Variants in STAB1 observed in about 807,000 individuals in gnomAD.
The protein encoded by STAB1 is stabilin-1.
A neutral mutation model predicts 332.4 loss-of-function variants in STAB1; 250 were observed. The observed-to-expected ratio is 0.75, with a 90% confidence interval of 0.68 to 0.84. STAB1 has a LOEUF of 0.84. STAB1 is among the 40% of genes least tolerant of loss of function. The pLI, the probability that STAB1 is intolerant of heterozygous loss-of-function variation, is 0.00. For synonymous variants in STAB1, 1,475 were observed against 1,390.4 expected (o/e 1.06, Z -1.35); for missense variants, 3,249 against 3,489.7 (o/e 0.93, Z 1.74).
At chr3:52,501,984 T>C in intron 3 of STAB1, 22 bp from the exon 4 acceptor site, 1 of 1,611,098 alleles carries the variant, frequency 6.2e-7, no homozygotes, top group Non-Finnish European at 8.5e-7. Context: ...GGCACAGAGC[T>C]GAGTACTGTG....
chr3:52,504,861 C>T lies in STAB1; in HGVS notation c.1362C>T (p.Thr454=). The part of the protein sequence containing the change: ...WTLAGQEITV[T]FNQFTKYSYK... ...TGGCCGGGCAGGAGATCACCGTCAC[C>T]TTTAACCAATTCACGGTGAGGGAGG... The change falls in exon 12 of 69, where the codon ACC becomes ACT. Residue 454 remains threonine, a synonymous_variant. Coordinates refer to ENST00000321725, the MANE Select transcript of STAB1 (RefSeq NM_015136.3). The T allele has an allele frequency of 6.2e-7, 1 of 1,613,722 alleles. No homozygotes were observed. The highest frequency in any genetic ancestry group is 8.5e-7 in the Non-Finnish European group (1 of 1,180,034).
chr3:52,520,761 A>G, intron 54 of STAB1, 43 bp from the exon 55 acceptor site: 1 of 1,612,662 alleles, frequency 6.2e-7, no homozygotes, highest in Non-Finnish European at 8.5e-7. Flanking sequence ...AAGGACCACC[A>G]AACTCAGAAC....
At chr3:52,515,712 G>A (rs763006792) in intron 37 of STAB1, among the ~76,000 whole-genome samples, 5 of 152,168 alleles carry the variant, frequency 3.3e-5, no homozygotes, top group Non-Finnish European at 7.4e-5. Flanking sequence ...CCCAGGGAGA[G>A]GGAGTGGAGA....
intron 37 of STAB1, 149 bp from the exon 38 acceptor site, chr3:52,515,892 GTC>G: frequency 1.1e-6 from 1 of 905,130 alleles, no homozygotes; most frequent in Non-Finnish European, 1.6e-6. Context: ...GTATCTCTGT[GTC>G]TCTTTCAGCT....
At position 52,517,038 on chromosome 3, in the gene STAB1, C is replaced by T. The variant is rs369881549; in HGVS notation, c.4418C>T (p.Thr1473Ile). The T allele has an allele frequency of 6.2e-6, 10 of 1,606,226 alleles. No homozygotes were observed. Among genetic ancestry groups the T allele is most frequent in the Non-Finnish European group, 8.5e-6 (10 of 1,176,632 alleles). ...HGGCSPHANCTKVAPGQRTCT... is the reference protein window; with the variant it reads ...HGGCSPHANCIKVAPGQRTCT... The stretch of plus-strand genomic sequence containing the variant: ...GGCTGCTCCCCTCATGCCAACTGTA[C>T]CAAGGTGGCACCTGGGCAGCGGACA... Residue 1473 changes from threonine to isoleucine, a missense_variant, in exon 42 of 69, where the codon ACC (threonine) becomes ATC (isoleucine). Transcript: ENST00000321725.
In STAB1 at chr3:52,516,606, G is replaced by C. The variant is rs1249088845; in HGVS notation, c.4286+19G>C. Reference sequence around the variant, plus strand: ...ATGCCAAGTGAGTGGGCCCAGCCTGGGGCGGGTGGGTGAGTGGCGGGGAGC... The same window carrying C: ...ATGCCAAGTGAGTGGGCCCAGCCTGCGGCGGGTGGGTGAGTGGCGGGGAGC... On this transcript the variant is annotated intron_variant, in intron 40 of 68. Coordinates refer to ENST00000321725, the MANE Select transcript of STAB1 (RefSeq NM_015136.3). 6.2e-7 allele frequency: 1 copy of C among 1,612,786 alleles called. No homozygotes were observed. Among genetic ancestry groups the C allele is most frequent in the South Asian group, 1.1e-5 (1 of 91,078 alleles).
intron 18 of STAB1, among the ~76,000 whole-genome samples, chr3:52,507,129 C>T (rs1708934588): frequency 6.6e-6 from 1 of 152,252 alleles, no homozygotes; most frequent in African/African-American, 2.4e-5. Context: ...ACTGTAGCCT[C>T]CGCATCCTGG....
chr3:52,518,055 G>T, intron 45 of STAB1, 52 bp downstream of exon 45: 1 of 1,559,328 alleles, frequency 6.4e-7, no homozygotes, highest in Non-Finnish European at 8.6e-7. Context: ...TGCCCCATGG[G>T]CCTGACCCAT....
At chr3:52,521,313 C>G (rs1280525566) in intron 55 of STAB1, 48 bp from the exon 56 acceptor site, 1 of 1,611,184 alleles carries the variant, frequency 6.2e-7, no homozygotes, top group Admixed American at 1.7e-5. Context: ...TATGGGGGTC[C>G]TGGTGAGAGC....
rs200834614 is a variant in STAB1, at chr3:52,517,876, C to T, written c.4639-5C>T. The stretch of plus-strand genomic sequence containing the variant: ...TGATACCTTCCTCTCCTGTCCCTGA[C>T]TCAGAACAATGGAGGATGCAGCCCA... On this transcript the variant is annotated splice_polypyrimidine_tract_variant and splice_region_variant and intron_variant, in intron 44 of 68. Coordinates refer to ENST00000321725, the MANE Select transcript of STAB1 (RefSeq NM_015136.3). 1.2e-6 allele frequency: 2 copies of T among 1,612,204 alleles called. No individual in the cohort carries two copies. Among genetic ancestry groups the T allele is most frequent in the East Asian group, 4.5e-5 (2 of 44,864 alleles).
intron 3 of STAB1, 121 bp downstream of exon 3, chr3:52,501,874 C>A (rs902672754): frequency 2.2e-6 from 3 of 1,375,312 alleles, no homozygotes; most frequent in Middle Eastern, 2.5e-4. Flanking sequence ...ACTCACCGAG[C>A]GCCTCCAAGG....
In STAB1 at chr3:52,514,792, C is replaced by T; in HGVS notation, c.3770C>T (p.Ser1257Leu). The T allele has an allele frequency of 6.2e-7, 1 of 1,612,890 alleles. No homozygotes were observed. The highest frequency in any genetic ancestry group is 8.5e-7 in the Non-Finnish European group (1 of 1,179,980). Reference sequence around the variant, plus strand: ...CTGTCGGGGGTCCTGACGGTGGGCTCAAGTCGCTGCCTGCATAGCCACGCT... The same window carrying T: ...CTGTCGGGGGTCCTGACGGTGGGCTTAAGTCGCTGCCTGCATAGCCACGCT... ...IGLSGVLTVG[S>L]SRCLHSHAEA... The change falls in exon 35 of 69, where the codon TCA becomes TTA. Residue 1257 changes from serine (S) to leucine (L), a missense_variant. Ser to Leu is a moderately radical substitution (Grantham distance 145). Coordinates refer to ENST00000321725, the MANE Select transcript of STAB1 (RefSeq NM_015136.3).
At chr3:52,495,723 T>G (rs952115844) in intron 1 of STAB1, among the ~76,000 whole-genome samples, 3 of 150,376 alleles carry the variant, frequency 2.0e-5, no homozygotes, top group Non-Finnish European at 2.9e-5. Flanking sequence ...CCTCTGACTA[T>G]GCGGGGCCGG....
intron 30 of STAB1, 33 bp downstream of exon 30, chr3:52,513,274 C>T (rs747468050): frequency 7.1e-6 from 11 of 1,540,442 alleles, no homozygotes; most frequent in Non-Finnish European, 8.8e-6. Flanking sequence ...AAAAGGGGAC[C>T]AGGTAGGGCA....
intron 46 of STAB1, 24 bp downstream of exon 46, chr3:52,518,383 G>C: frequency 6.2e-7 from 1 of 1,609,812 alleles, no homozygotes; most frequent in Non-Finnish European, 8.5e-7. Context: ...TTGGGCCTCT[G>C]TGACCTGCAA....
chr3:52,516,573 C>G lies in STAB1; in HGVS notation c.4272C>G (p.Cys1424Trp). The G allele has an allele frequency of 6.2e-7, 1 of 1,613,082 alleles. No homozygotes were observed. The highest frequency in any genetic ancestry group is 1.3e-5 in the African/African-American group (1 of 75,008). ...KITSPQCPRKCDPNANCVQDS... is the reference protein window; with the variant it reads ...KITSPQCPRKWDPNANCVQDS... ...CCAGCCCTCAGTGCCCTAGGAAGTG[C>G]GACCCCAATGCCAAGTGAGTGGGCC... The change falls in exon 40 of 69, where the codon TGC becomes TGG. Residue 1424 changes from cysteine to tryptophan, a missense_variant. By Grantham distance (215) the Cys-to-Trp change is radical. Transcript: ENST00000321725.
rs1193906143 is a variant in STAB1, at chr3:52,503,094, G to A, written c.679G>A (p.Gly227Ser). Residue 227 changes from glycine (G) to serine (S), a missense_variant, in exon 7 of 69, where the codon GGC becomes AGC. Gly to Ser is a moderately conservative substitution (Grantham distance 56). Transcript: ENST00000321725. ...CRCLPGYTQQ[G>S]SECRAPNPCW... Reference sequence around the variant, plus strand: ...GTGCCTGCCCGGCTACACACAGCAGGGCAGTGAATGCCGAGGTGAGCCTGG... The same window carrying A: ...GTGCCTGCCCGGCTACACACAGCAGAGCAGTGAATGCCGAGGTGAGCCTGG... 1.3e-6 allele frequency: 2 copies of A among 1,593,570 alleles called. No individual in the cohort carries two copies. Among genetic ancestry groups the A allele is most frequent in the East Asian group, 2.3e-5 (1 of 43,986 alleles).
rs371887279 is a variant in STAB1, at chr3:52,523,998, T to C, written c.7523T>C (p.Phe2508Ser). 8.3e-5 allele frequency: 134 copies of C among 1,612,072 alleles called. No homozygotes were observed. The highest frequency in any genetic ancestry group is 1.1e-4 in the Non-Finnish European group (131 of 1,179,844). Residue 2508 changes from phenylalanine (F) to serine (S), a missense_variant, in exon 67 of 69, where the codon TTT (phenylalanine) becomes TCT (serine). Physicochemically the swap from Phe to Ser is radical, Grantham distance 155. Transcript: ENST00000321725. ...CGTGCCCGAGGCAAGCCCATGGGCT[T>C]TGGCTTCTCTGCCTTCCAGGTAGGG... is the stretch of plus-strand genomic sequence containing the variant. Reference protein sequence around the residue: ...YLRARGKPMGFGFSAFQAEDD... With the variant: ...YLRARGKPMGSGFSAFQAEDD...
Position 52,512,399 on chromosome 3 carries a change from G to C in STAB1, c.2942G>C (p.Gly981Ala). The change falls in exon 27 of 69, where the codon GGG (glycine) becomes GCG (alanine). Residue 981 changes from glycine (G) to alanine (A), a missense_variant. Gly to Ala is a moderately conservative substitution (Grantham distance 60, BLOSUM62 0). Coordinates refer to ENST00000321725, the MANE Select transcript of STAB1 (RefSeq NM_015136.3). ...GTCTGCACGTGCCCCCCTGGCTTTG[G>C]GGGTGATGGCTTCAGCTGTTATGGA... ...QRVCTCPPGF[G>A]GDGFSCYGDI... The C allele has an allele frequency of 3.1e-6, 5 of 1,610,442 alleles. No homozygotes were observed. Among genetic ancestry groups the C allele is most frequent in the East Asian group, 2.2e-5 (1 of 44,876 alleles).
Sources: allele counts gnomAD v4.1 joint callset (sites outside exome capture counted in the v4.1 genomes callset), GRCh38; gene constraint gnomAD v4.1.1; transcripts MANE v1.5; gene names NCBI Gene and HGNC (gene_info 2026-07-23, HGNC 2026-07-21).